The following CARMIL1 variants were observed in gnomAD, a reference collection of about 807,000 sequenced individuals.
CARMIL1 encodes capping protein regulator and myosin 1 linker 1, also known as F-actin-uncapping protein LRRC16A.
Under a neutral mutation model 177.1 loss-of-function variants are expected in CARMIL1, and 90 were observed. The ratio of observed to expected loss-of-function variants is 0.51; its 90% CI spans 0.43 to 0.61. The LOEUF is 0.61. CARMIL1 is among the 20% of genes least tolerant of loss of function. The pLI is 0.00. For synonymous variants in CARMIL1, 577 were observed against 606.2 expected, an observed-to-expected ratio of 0.95 and a Z score of 0.71; for missense variants, 1,380 against 1,667.0, an observed-to-expected ratio of 0.83 and a Z score of 3.00.
intron 24 of CARMIL1, among the ~76,000 whole-genome samples, chr6:25,530,824 G>A (rs1172463408): frequency 6.6e-6 from 1 of 152,162 alleles, no homozygotes; most frequent in Admixed American, 6.5e-5. Context: ...GCTGCTTTGG[G>A]AAAATCTACT....
chr6:25,364,556 C>A (rs75689543), intron 2 of CARMIL1, among the ~76,000 whole-genome samples: 5,700 of 149,654 alleles, frequency 0.038, 165 homozygotes, highest in Non-Finnish European at 0.06. Context: ...TATATGGATT[C>A]TTTTTTCTTT....
At chr6:25,510,970 A>G (rs960959946) in intron 20 of CARMIL1, among the ~76,000 whole-genome samples, 4 of 152,148 alleles carry the variant, frequency 2.6e-5, no homozygotes, top group African/African-American at 9.7e-5. Context: ...CTCACTGTCA[A>G]TTAAAGGAAG....
intron 4 of CARMIL1, among the ~76,000 whole-genome samples, chr6:25,427,774 T>C (rs985690656): frequency 6.6e-6 from 1 of 152,210 alleles, no homozygotes; most frequent in African/African-American, 2.4e-5. Context: ...TGCTTTTTCA[T>C]TGTGGTTTTA....
chr6:25,390,134 C>T (rs1792599486), intron 2 of CARMIL1, among the ~76,000 whole-genome samples: 1 of 151,830 alleles, frequency 6.6e-6, no homozygotes, highest in African/African-American at 2.4e-5. Context: ...TTTGAGATCT[C>T]ATTATTTGGT....
chr6:25,321,869 A>G (rs1784700710), intron 2 of CARMIL1, among the ~76,000 whole-genome samples: 1 of 152,006 alleles, frequency 6.6e-6, no homozygotes, highest in Admixed American at 6.6e-5. Flanking sequence ...TGTGTTAGCC[A>G]GGATGGTCTC....
intron 2 of CARMIL1, among the ~76,000 whole-genome samples, chr6:25,316,848 T>C (rs1784319555): frequency 6.6e-6 from 1 of 152,172 alleles, no homozygotes; most frequent in Non-Finnish European, 1.5e-5. Context: ...AGAGGGCCAA[T>C]TGTTAAATCC....
At chr6:25,581,585 A>G (rs1393466176) in intron 31 of CARMIL1, 146 bp downstream of exon 31, 3 of 688,800 alleles carry the variant, frequency 4.4e-6, no homozygotes, top group East Asian at 2.8e-5. Flanking sequence ...TATACAAAGT[A>G]TCTCAACTTG....
intron 2 of CARMIL1, among the ~76,000 whole-genome samples, chr6:25,292,079 T>C (rs570172534): frequency 6.6e-6 from 1 of 152,330 alleles, no homozygotes; most frequent in South Asian, 2.1e-4. Flanking sequence ...ATAAGACAAA[T>C]TCATATAAAA....
Position 25,600,423 on chromosome 6 carries a change from C to A in CARMIL1, c.3229C>A (p.Arg1077=). ...SSGFLNLIKS[R]SKSERPPTIL... ...TGGCTTTCTCAATTTAATCAAATCC[C>A]GGTCCAAATCCGAGCGACCACCAAC... is the stretch of plus-strand genomic sequence containing the variant. The change falls in exon 33 of 37, where the codon CGG becomes AGG. Residue 1077 remains arginine, a synonymous_variant. Transcript: ENST00000329474. 6.2e-7 allele frequency: 1 copy of A among 1,613,902 alleles called. No homozygotes were observed. Among genetic ancestry groups the A allele is most frequent in the Non-Finnish European group, 8.5e-7 (1 of 1,179,880 alleles).
intron 2 of CARMIL1, among the ~76,000 whole-genome samples, chr6:25,383,394 A>C (rs897594601): frequency 1.3e-5 from 2 of 152,240 alleles, no homozygotes; most frequent in Non-Finnish European, 2.9e-5. Flanking sequence ...TTCCATAAAC[A>C]TATAACAATC....
At chr6:25,562,650 C>A (rs908386899) in intron 29 of CARMIL1, among the ~76,000 whole-genome samples, 1 of 152,176 alleles carries the variant, frequency 6.6e-6, no homozygotes, top group African/African-American at 2.4e-5. Flanking sequence ...GCAGTTATTT[C>A]TAGAAAGAGA....
In CARMIL1 at chr6:25,492,044, C is replaced by T. The variant is rs757303386; in HGVS notation, c.1220+20C>T. The T allele has an allele frequency of 6.2e-6, 10 of 1,600,804 alleles. No individual in the cohort carries two copies. The South Asian group carries it at 1.1e-4, about 18-fold the overall frequency. On this transcript the variant is annotated intron_variant, in intron 15 of 36. Transcript: ENST00000329474. ...TCACCGGTATAGATTTATTTCTGCTCTCATTGTCATCTGGAAGTGTCTTCT... is the reference window on the plus strand; with the variant it reads ...TCACCGGTATAGATTTATTTCTGCTTTCATTGTCATCTGGAAGTGTCTTCT...
chr6:25,530,524 T>C (rs1379235708), intron 24 of CARMIL1, among the ~76,000 whole-genome samples: 1 of 152,116 alleles, frequency 6.6e-6, no homozygotes, highest in Non-Finnish European at 1.5e-5. Context: ...TCGGCTATCT[T>C]ACAAGGGAAC....
chr6:25,451,354 T>G (rs1798899988), intron 8 of CARMIL1, among the ~76,000 whole-genome samples: 1 of 152,216 alleles, frequency 6.6e-6, no homozygotes, highest in Non-Finnish European at 1.5e-5. Flanking sequence ...TAGAACATTT[T>G]TTCAAGGATG....
At chr6:25,284,782 AT>A in intron 1 of CARMIL1, 29 bp from the exon 2 acceptor site, 1 of 1,289,454 alleles carries the variant, frequency 7.8e-7, no homozygotes, top group East Asian at 2.5e-5. Context: ...TTTTTTTCTT[AT>A]TAATAACATA....
At chr6:25,450,924 C>A (rs1798806128) in intron 8 of CARMIL1, among the ~76,000 whole-genome samples, 1 of 9,034 alleles carries the variant, frequency 1.1e-4, no homozygotes. Context: ...CTCCTCTCCT[C>A]TCCTCTCCTC....
chr6:25,344,141 C>T (rs957019596), intron 2 of CARMIL1, among the ~76,000 whole-genome samples: 9 of 152,152 alleles, frequency 5.9e-5, no homozygotes, highest in Non-Finnish European at 1.2e-4. Context: ...CTCTCATCAC[C>T]GGTGACTTCA....
At chr6:25,540,567 T>C (rs559188679) in intron 26 of CARMIL1, among the ~76,000 whole-genome samples, 4 of 152,276 alleles carry the variant, frequency 2.6e-5, no homozygotes, top group African/African-American at 9.6e-5. Flanking sequence ...GACCTGCCTA[T>C]AGATTCACTG....
chr6:25,566,481 C>T (rs1035271064), intron 29 of CARMIL1, among the ~76,000 whole-genome samples: 1 of 152,214 alleles, frequency 6.6e-6, no homozygotes, highest in Admixed American at 6.5e-5. Context: ...TGGCTGTCTT[C>T]GTGCTGTTTA....
Sources: gnomAD v4.1 joint callset for allele counts (sites outside exome capture counted in the v4.1 genomes callset) on GRCh38, gnomAD v4.1.1 for gene constraint, MANE v1.5 for transcripts, NCBI Gene and HGNC (gene_info 2026-07-23, HGNC 2026-07-21) for gene names.